The following ETV1 variants were observed in gnomAD, a reference collection of about 807,000 sequenced individuals.
ETV1 encodes the protein ETS translocation variant 1.
ETV1 carries 27 observed loss-of-function variants against 62.3 expected under a neutral mutation model. That is an observed-to-expected ratio of 0.43 (90% confidence interval 0.32 to 0.60). The LOEUF is 0.60. Among genes scored for constraint, ETV1 ranks in the 20% least tolerant of loss-of-function variants. The probability of loss-of-function intolerance (pLI) is 0.06; values close to 1 mark genes in which losing one functional copy is unlikely to be tolerated. For missense variants in ETV1, 605 were observed against 605.8 expected (o/e 1.00, Z 0.01); for synonymous variants, 222 against 199.6 (o/e 1.11, Z -0.94).
intron 10 of ETV1, among the ~76,000 whole-genome samples, chr7:13,910,200 G>A (rs1369373429): frequency 1.4e-5 from 2 of 143,326 alleles, no homozygotes; most frequent in Non-Finnish European, 3.0e-5. Flanking sequence ...TACTCAATTA[G>A]CAAGATAAGA....
In ETV1 at chr7:13,989,307, A is replaced by G. The variant is rs984447134; in HGVS notation, c.-127T>C. ...AGCCAACAGAGTTCACAATTTACAT[A>G]TTTTCGGTAGTAGCAAAAATCCGAA... On this transcript the variant is annotated 5_prime_UTR_variant, in exon 2 of 14. Transcript: ENST00000430479. 4.1e-6 allele frequency: 2 copies of G among 486,622 alleles called. No individual in the cohort carries two copies. Among genetic ancestry groups the G allele is most frequent in the Admixed American group, 3.9e-5 (1 of 25,856 alleles). The allele number at this position is 486,622 out of a possible 1,614,324, so 30.1% of individuals were successfully genotyped here.
At chr7:13,961,280 T>G (rs1790139110) in intron 6 of ETV1, among the ~76,000 whole-genome samples, 2 of 152,202 alleles carry the variant, frequency 1.3e-5, no homozygotes, top group African/African-American at 2.4e-5. Flanking sequence ...ATTGATTGAT[T>G]GGAAAAGTAG....
rs1397721342 is a variant in ETV1 at position 13,893,020 on chromosome 7, G to A, written c.*2846C>T. Reference sequence around the variant, plus strand: ...GATCCGCCCATGATTTGAGAAAAATGTTCTGCACTGTCAGTCTTGTGGATT... The same window carrying A: ...GATCCGCCCATGATTTGAGAAAAATATTCTGCACTGTCAGTCTTGTGGATT... On this transcript the variant is annotated 3_prime_UTR_variant, in exon 14 of 14. Transcript: ENST00000430479. 4.3e-6 allele frequency: 1 copy of A among 232,830 alleles called. No individual in the cohort carries two copies. The highest frequency in any genetic ancestry group is 5.6e-5 in the Admixed American group (1 of 17,780). The allele number at this position is 232,830 out of a possible 1,614,324, so 14.4% of individuals were successfully genotyped here.
chr7:13,970,133 C>A (rs1583844844), intron 6 of ETV1, among the ~76,000 whole-genome samples: 1 of 151,466 alleles, frequency 6.6e-6, no homozygotes, highest in African/African-American at 2.4e-5. Flanking sequence ...TGGTGGCGGG[C>A]GCCTGTGGTC....
At chr7:13,970,317 CACACACACAA>C (rs1354104019) in intron 6 of ETV1, among the ~76,000 whole-genome samples, 3 of 127,480 alleles carry the variant, frequency 2.4e-5, no homozygotes, top group Middle Eastern at 4.2e-3. Context: ...CACACACACA[CACACACACAA>C]AGCAGCAACT....
At position 13,956,730 on chromosome 7, in the gene ETV1, A is replaced by G. The variant is rs746460166; in HGVS notation, c.236-17484T>C. Among the ~76,000 whole-genome samples, 7 of 152,350 alleles carry G rather than the reference A, an allele frequency of 4.6e-5. No individual in the cohort carries two copies. In the East Asian group the frequency reaches 1.4e-3, roughly 29 times the overall value. ...GCATTTTGTAGAAACATCAAAATAC[A>G]TATCAAATCATACTAATCCTTGCAC... On this transcript the variant is annotated intron_variant, in intron 6 of 13. Coordinates refer to ENST00000430479, the MANE Select transcript of ETV1 (RefSeq NM_004956.5).
At chr7:13,935,641 T>G in intron 8 of ETV1, 67 bp downstream of exon 8, 2 of 1,376,386 alleles carry the variant, frequency 1.5e-6, no homozygotes, top group Middle Eastern at 3.7e-4. Flanking sequence ...GCCTTCAGAA[T>G]TGTTAATAGA....
chr7:13,897,852 C>A (rs895372195), intron 13 of ETV1, among the ~76,000 whole-genome samples: 1 of 152,086 alleles, frequency 6.6e-6, no homozygotes, highest in African/African-American at 2.4e-5. Flanking sequence ...GGCCTGCATA[C>A]CTCTGAGTGT....
intron 6 of ETV1, among the ~76,000 whole-genome samples, chr7:13,975,969 A>C (rs1781416806): frequency 6.6e-6 from 1 of 152,194 alleles, no homozygotes; most frequent in Non-Finnish European, 1.5e-5. Context: ...GCCCATAGGA[A>C]GGGAAATGTT....
At chr7:13,951,883 T>C (rs956101688) in intron 6 of ETV1, among the ~76,000 whole-genome samples, 9 of 152,186 alleles carry the variant, frequency 5.9e-5, no homozygotes, top group African/African-American at 2.2e-4. Context: ...TGTTTGTTAC[T>C]ACTAGTATTA....
chr7:13,891,613 A>AT lies in ETV1; in HGVS notation c.*4252_*4253insA, dbSNP rs1397400193. 3.0e-5 allele frequency: 7 copies of AT among 230,934 alleles called. No individual in the cohort carries two copies. Among genetic ancestry groups the AT allele is most frequent in the African/African-American group, 1.5e-4 (7 of 45,230 alleles). 14.3% of individuals were successfully genotyped at this position (230,934 alleles called of 1,614,324 possible). The stretch of plus-strand genomic sequence containing the variant: ...ATGTCAAAGTGAGTCTCATGTATAT[A>AT]AAAAAAGAAGTCCTAAAAGTACTAG... On this transcript the variant is annotated 3_prime_UTR_variant, in exon 14 of 14. Transcript: ENST00000430479.
intron 6 of ETV1, 39 bp from the exon 7 acceptor site, chr7:13,939,285 C>G: frequency 6.3e-7 from 1 of 1,576,670 alleles, no homozygotes; most frequent in Non-Finnish European, 8.6e-7. Flanking sequence ...AAATTAAATG[C>G]TGTAGGAATT....
chr7:13,917,817 A>G (rs1784354594), intron 9 of ETV1, among the ~76,000 whole-genome samples: 1 of 151,814 alleles, frequency 6.6e-6, no homozygotes, highest in Non-Finnish European at 1.5e-5. Context: ...ACAAAAAATT[A>G]GCCGGGCGTG....
chr7:13,917,583 C>G (rs1438296457), intron 9 of ETV1, among the ~76,000 whole-genome samples: 1 of 151,094 alleles, frequency 6.6e-6, no homozygotes, highest in African/African-American at 2.4e-5. Context: ...TCCCAAAGTA[C>G]TGGGGTTACA....
intron 9 of ETV1, among the ~76,000 whole-genome samples, chr7:13,916,511 G>A (rs1388318011): frequency 1.3e-5 from 2 of 151,866 alleles, no homozygotes; most frequent in Non-Finnish European, 2.9e-5. Flanking sequence ...GGTGGCGCGT[G>A]CCTGTCATCC....
chr7:13,902,528 G>C (rs975427268), intron 12 of ETV1, among the ~76,000 whole-genome samples: 5 of 150,560 alleles, frequency 3.3e-5, no homozygotes, highest in Admixed American at 2.0e-4. Context: ...GGGTGGGGGC[G>C]CTGGGGGGAG....
At chr7:13,914,276 A>C (rs1325901772) in intron 9 of ETV1, among the ~76,000 whole-genome samples, 1 of 152,170 alleles carries the variant, frequency 6.6e-6, no homozygotes, top group Non-Finnish European at 1.5e-5. Context: ...AATTAAATCT[A>C]AAAATTAAAT....
chr7:13,917,680 T>G (rs1055866312), intron 9 of ETV1, among the ~76,000 whole-genome samples: 4 of 148,598 alleles, frequency 2.7e-5, no homozygotes, highest in African/African-American at 9.8e-5. Context: ...AAAGAAAATA[T>G]GAGGCCGGGC....
chr7:13,986,279 A>G, intron 5 of ETV1: 1 of 1,511,528 alleles, frequency 6.6e-7, no homozygotes, highest in Non-Finnish European at 8.8e-7. Flanking sequence ...ACAGCAAGCC[A>G]GCCGGGTTCT....
Sources: allele counts gnomAD v4.1 joint callset (sites outside exome capture counted in the v4.1 genomes callset), GRCh38; gene constraint gnomAD v4.1.1; transcripts MANE v1.5; gene names NCBI Gene and HGNC (gene_info 2026-07-23, HGNC 2026-07-21).